The following SGK3 variants were observed in gnomAD, a reference collection of about 807,000 sequenced individuals.
SGK3 encodes serum/glucocorticoid regulated kinase family member 3.
Under a neutral mutation model 68.5 loss-of-function variants are expected in SGK3, and 47 were observed. The observed-to-expected ratio is 0.69, with a 90% confidence interval of 0.54 to 0.87. The LOEUF is 0.87. SGK3 is among the 40% of genes least tolerant of loss of function. SGK3 has a pLI of 0.00. For missense variants in SGK3, 479 were observed against 575.5 expected (o/e 0.83, Z 1.72); for synonymous variants, 181 against 189.1 (o/e 0.96, Z 0.35).
At position 66,767,343 on chromosome 8, in the gene SGK3, A is replaced by G. The variant is rs1336154627; in HGVS notation, c.-121-26273A>G. 10 of 1,030,730 alleles carry G rather than the reference A, an allele frequency of 9.7e-6. No homozygotes were observed. In the South Asian group the frequency reaches 1.2e-4, roughly 13 times the overall value. 63.8% of individuals were successfully genotyped at this position (1,030,730 alleles called of 1,614,324 possible). On this transcript the variant is annotated intron_variant, in intron 1 of 16. Transcript: ENST00000521198. ...AAGTATATATCTTTTTTTCTGTTAA[A>G]CAAATAATGCTTTATTAATAGAAAT...
chr8:66,739,816 G>C (rs1805428634), intron 1 of SGK3, among the ~76,000 whole-genome samples: 1 of 152,212 alleles, frequency 6.6e-6, no homozygotes, highest in Non-Finnish European at 1.5e-5. Flanking sequence ...TCTTCACATG[G>C]CATCAGGGGA....
chr8:66,784,029 C>G (rs533195797), intron 1 of SGK3, among the ~76,000 whole-genome samples: 1 of 152,064 alleles, frequency 6.6e-6, no homozygotes. Flanking sequence ...TCTCAAGTAG[C>G]CAGGACTACA....
intron 6 of SGK3, among the ~76,000 whole-genome samples, chr8:66,823,340 A>G (rs1808921007): frequency 1.3e-5 from 2 of 151,746 alleles, no homozygotes; most frequent in Admixed American, 1.3e-4. Flanking sequence ...TTTCTGTGAT[A>G]TATGTACATA....
At chr8:66,735,481 T>G (rs1363337724) in intron 1 of SGK3, among the ~76,000 whole-genome samples, 5 of 152,184 alleles carry the variant, frequency 3.3e-5, no homozygotes, top group Admixed American at 3.3e-4. Flanking sequence ...AAAGCTTGGG[T>G]CCCCTGGAGA....
intron 1 of SGK3, among the ~76,000 whole-genome samples, chr8:66,766,451 A>G (rs1806321737): frequency 6.6e-6 from 1 of 152,146 alleles, no homozygotes; most frequent in Non-Finnish European, 1.5e-5. Flanking sequence ...TGAACCTAGG[A>G]GGCAGAGAGG....
At chr8:66,844,039 G>GT (rs1409879364) in intron 14 of SGK3, among the ~76,000 whole-genome samples, 2 of 140,258 alleles carry the variant, frequency 1.4e-5, no homozygotes, top group Non-Finnish European at 3.1e-5. Flanking sequence ...TTTGTTACTA[G>GT]TTTTTTTAAA....
At position 66,757,606 on chromosome 8, in the gene SGK3, T is replaced by TA. The variant is rs113974682; in HGVS notation, c.-121-36000dup. Reference sequence around the variant, plus strand: ...ACTAGAAGTTAAAACTGATAAATTTTAAAAAAAAAATTAAATAAAAAAATA... The same window carrying TA: ...ACTAGAAGTTAAAACTGATAAATTTTAAAAAAAAAAATTAAATAAAAAAATA... On this transcript the variant is annotated intron_variant, in intron 1 of 16. Coordinates refer to ENST00000521198, the MANE Select transcript of SGK3 (RefSeq NM_001033578.3). Among the ~76,000 whole-genome samples the TA allele has an allele frequency of 2.0e-3, 289 of 145,920 alleles. 4 individuals are homozygous for TA. Among genetic ancestry groups the TA allele is most frequent in the Non-Finnish European group, 2.6e-3 (171 of 66,404 alleles).
chr8:66,802,073 T>C (rs936419155), intron 3 of SGK3, among the ~76,000 whole-genome samples: 28 of 152,224 alleles, frequency 1.8e-4, no homozygotes, highest in Non-Finnish European at 7.3e-5. Flanking sequence ...CTCCCTAATT[T>C]CTTTTGTATT....
chr8:66,843,080 A>T (rs1333802657), intron 13 of SGK3, among the ~76,000 whole-genome samples: 1 of 152,196 alleles, frequency 6.6e-6, no homozygotes, highest in Admixed American at 6.5e-5. Flanking sequence ...CAAAAAAACA[A>T]AAAAATTATT....
chr8:66,728,787 G>T (rs1370535746), intron 1 of SGK3, among the ~76,000 whole-genome samples: 1 of 152,094 alleles, frequency 6.6e-6, no homozygotes, highest in African/African-American at 2.4e-5. Context: ...GGGTGTGGTG[G>T]TGTGTACCTA....
At chr8:66,715,265 G>C (rs1047907468) in intron 1 of SGK3, among the ~76,000 whole-genome samples, 5 of 111,660 alleles carry the variant, frequency 4.5e-5, no homozygotes, top group African/African-American at 1.2e-4. Context: ...TTCTTTCTTT[G>C]TTTTTTTTTT....
intron 6 of SGK3, among the ~76,000 whole-genome samples, chr8:66,823,555 G>A (rs1274699746): frequency 1.3e-5 from 2 of 151,866 alleles, no homozygotes; most frequent in Non-Finnish European, 2.9e-5. Flanking sequence ...CTGCCACCAC[G>A]CCCGGCTAAT....
At chr8:66,856,569 CATTTTGG>C (rs1810518180) in intron 16 of SGK3, among the ~76,000 whole-genome samples, 1 of 152,062 alleles carries the variant, frequency 6.6e-6, no homozygotes, top group Admixed American at 6.6e-5. Context: ...GCTTTTGGAG[CATTTTGG>C]ATTTTGGATT....
chr8:66,785,671 G>T (rs1807169279), intron 1 of SGK3, among the ~76,000 whole-genome samples: 1 of 152,180 alleles, frequency 6.6e-6, no homozygotes, highest in Non-Finnish European at 1.5e-5. Context: ...TTTACTAGCT[G>T]TTATATTACC....
intron 1 of SGK3, among the ~76,000 whole-genome samples, chr8:66,773,883 A>G (rs1806597523): frequency 6.6e-6 from 1 of 152,254 alleles, no homozygotes; most frequent in Non-Finnish European, 1.5e-5. Context: ...TGTTGGTCAA[A>G]AAAAGAAAAG....
intron 1 of SGK3, among the ~76,000 whole-genome samples, chr8:66,792,933 G>T (rs1807525213): frequency 6.6e-6 from 1 of 152,150 alleles, no homozygotes; most frequent in South Asian, 2.1e-4. Context: ...GGTATTATTT[G>T]GTGTCATGTG....
intron 1 of SGK3, among the ~76,000 whole-genome samples, chr8:66,713,271 T>C (rs1279156594): frequency 6.6e-6 from 1 of 152,230 alleles, no homozygotes; most frequent in Non-Finnish European, 1.5e-5. Flanking sequence ...GTCTTTTAAG[T>C]TCTCTGTAAT....
chr8:66,813,315 GC>G (rs1278514496), intron 4 of SGK3, among the ~76,000 whole-genome samples: 3 of 152,186 alleles, frequency 2.0e-5, no homozygotes, highest in Non-Finnish European at 2.9e-5. Context: ...AGGAAAGTAT[GC>G]CTGTGCATTT....
chr8:66,790,435 G>A (rs1300233161), intron 1 of SGK3, among the ~76,000 whole-genome samples: 1 of 152,214 alleles, frequency 6.6e-6, no homozygotes, highest in Non-Finnish European at 1.5e-5. Context: ...TTGGGGTTCA[G>A]CATTCTTAGC....
Sources: gnomAD v4.1 joint callset for allele counts (sites outside exome capture counted in the v4.1 genomes callset) on GRCh38, gnomAD v4.1.1 for gene constraint, MANE v1.5 for transcripts, NCBI Gene and HGNC (gene_info 2026-07-23, HGNC 2026-07-21) for gene names.